The following PCDH10 variants were observed in gnomAD, a reference collection of about 807,000 sequenced individuals.
The protein encoded by PCDH10 is protocadherin 10, also known as protocadherin-10.
In PCDH10, 15 loss-of-function variants were observed where a neutral mutation model predicts 74.4. The ratio of observed to expected loss-of-function variants is 0.20; its 90% CI spans 0.13 to 0.31. The LOEUF is 0.31. PCDH10 is among the 10% of genes least tolerant of loss of function. The pLI is 1.00. For missense variants in PCDH10, 1,260 were observed against 1,390.2 expected (o/e 0.91, Z 1.49); for synonymous variants, 619 against 589.8 (o/e 1.05, Z -0.72).
At chr4:133,186,457 G>T (rs1300535175) in intron 4 of PCDH10, among the ~76,000 whole-genome samples, 3 of 152,026 alleles carry the variant, frequency 2.0e-5, no homozygotes, top group Admixed American at 6.6e-5. Flanking sequence ...AAAAGAAAAA[G>T]AAATCCTCCA....
chr4:133,175,392 GCACAACTGTTTTCCAAGCACAGTGGTCTT>G (rs1385467927), intron 4 of PCDH10, among the ~76,000 whole-genome samples: 2 of 151,964 alleles, frequency 1.3e-5, no homozygotes, highest in Non-Finnish European at 1.5e-5. Context: ...TCGTTGTTGG[GCACAACTGTTTTCCAAGCACAGTGGTCTT>G]CAGTTTTGTT....
rs773057641 is a variant in PCDH10, at chr4:133,150,759, G to C, written c.619G>C (p.Gly207Arg). ...HRYVLTAVDG[G>R]GGGGVGEGGG... ...CTACGTGCTGACCGCGGTGGACGGA[G>C]GAGGTGGGGGAGGAGTAGGAGAAGG... The change falls in exon 1 of 5, where the codon GGA becomes CGA. Residue 207 changes from glycine to arginine, a missense_variant. Gly to Arg is a moderately radical substitution (Grantham distance 125). Transcript: ENST00000264360. The C allele has an allele frequency of 6.3e-7, 1 of 1,599,428 alleles. No homozygotes were observed. The highest frequency in any genetic ancestry group is 1.1e-5 in the South Asian group (1 of 89,556).
At chr4:133,175,749 G>T (rs891220774) in intron 4 of PCDH10, among the ~76,000 whole-genome samples, 1 of 152,000 alleles carries the variant, frequency 6.6e-6, no homozygotes, top group Non-Finnish European at 1.5e-5. Context: ...CTCCGATCAG[G>T]TTATCTCAGT....
At chr4:133,153,300 C>T (rs1578558881) in intron 1 of PCDH10, 6 of 1,002,602 alleles carry the variant, frequency 6.0e-6, no homozygotes, top group East Asian at 1.1e-4. Context: ...TTACCAGATC[C>T]TTCTCCTCTG....
Position 133,151,229 on chromosome 4 carries a change from G to A in PCDH10, c.1089G>A (p.Val363=), listed in dbSNP as rs774667996. ...CGCCAGAGATCAGCTTCAGCACCGTGAAGGAAGCGGTGAGTGAGGGCGCGG... is the reference window on the plus strand; with the variant it reads ...CGCCAGAGATCAGCTTCAGCACCGTAAAGGAAGCGGTGAGTGAGGGCGCGG... ...DNAPEISFST[V]KEAVSEGAAP... is the part of the protein sequence containing the mutation. Residue 363 remains valine, a synonymous_variant, in exon 1 of 5, where the codon GTG becomes GTA. Coordinates refer to ENST00000264360, the MANE Select transcript of PCDH10 (RefSeq NM_032961.3). 6.2e-7 allele frequency: 1 copy of A among 1,614,052 alleles called. No individual in the cohort carries two copies. Among genetic ancestry groups the A allele is most frequent in the Non-Finnish European group, 8.5e-7 (1 of 1,180,006 alleles).
chr4:133,174,695 C>T (rs946358766), intron 4 of PCDH10, among the ~76,000 whole-genome samples: 14 of 150,984 alleles, frequency 9.3e-5, no homozygotes, highest in South Asian at 2.1e-4. Context: ...TTTAGAAATG[C>T]CTTTTTTGAT....
At chr4:133,175,836 G>T (rs1727285603) in intron 4 of PCDH10, among the ~76,000 whole-genome samples, 1 of 152,118 alleles carries the variant, frequency 6.6e-6, no homozygotes, top group Admixed American at 6.6e-5. Context: ...TTGAATGATT[G>T]TATCCTCCTT....
At position 133,150,997 on chromosome 4, in the gene PCDH10, T is replaced by C; in HGVS notation, c.857T>C (p.Val286Ala). The change falls in exon 1 of 5, where the codon GTG (valine) becomes GCG (alanine). Residue 286 changes from valine to alanine, a missense_variant. By Grantham distance (64) the Val-to-Ala change is moderately conservative (BLOSUM62 0). Coordinates refer to ENST00000264360, the MANE Select transcript of PCDH10 (RefSeq NM_032961.3). ...DPDEGQNGEV[V>A]YSFSSHISPR... ...GACGAGGGCCAGAACGGTGAGGTCG[T>C]GTACTCCTTCAGCAGCCACATTTCG... 1.2e-6 allele frequency: 2 copies of C among 1,613,776 alleles called. No homozygotes were observed. The highest frequency in any genetic ancestry group is 1.7e-6 in the Non-Finnish European group (2 of 1,179,980).
At position 133,192,613 on chromosome 4, in the gene PCDH10, T is replaced by C. The variant is rs1302681248; in HGVS notation, c.*2453T>C. 6.6e-6 allele frequency: 1 copy of C among 151,634 alleles called. No homozygotes were observed. Among genetic ancestry groups the C allele is most frequent in the Non-Finnish European group, 1.5e-5 (1 of 67,612 alleles). 9.4% of individuals were successfully genotyped at this position (151,634 alleles called of 1,614,324 possible). Reference sequence around the variant, plus strand: ...CATATATCCTAGGAACTAGTTATACTAACTTACATTTTAGTTATCATCAAT... The same window carrying C: ...CATATATCCTAGGAACTAGTTATACCAACTTACATTTTAGTTATCATCAAT... On this transcript the variant is annotated 3_prime_UTR_variant, in exon 5 of 5. Coordinates refer to ENST00000264360, the MANE Select transcript of PCDH10 (RefSeq NM_032961.3).
rs780274523 is a variant in PCDH10 at position 133,151,827 on chromosome 4, C to T, written c.1687C>T (p.Leu563Phe). ...ALAGNATVNI[L>F]IVDQNDNAPA... ...GGCTGGTAACGCCACTGTCAACATC[C>T]TCATAGTGGATCAAAATGACAACGC... Residue 563 changes from leucine to phenylalanine, a missense_variant, in exon 1 of 5, where the codon CTC (leucine) becomes TTC (phenylalanine). Leu to Phe is a conservative substitution (Grantham distance 22). Around this residue, in one of 11 missense-constraint regions of PCDH10, gnomAD observed 587 missense variants for 616.9 expected, o/e 0.95. Coordinates refer to ENST00000264360, the MANE Select transcript of PCDH10 (RefSeq NM_032961.3). 4.3e-6 allele frequency: 7 copies of T among 1,613,106 alleles called. No individual in the cohort carries two copies. The Admixed American group carries it at 6.7e-5, about 15-fold the overall frequency.
intron 3 of PCDH10, among the ~76,000 whole-genome samples, chr4:133,158,766 A>G (rs759686127): frequency 2.8e-4 from 43 of 152,118 alleles, no homozygotes; most frequent in Non-Finnish European, 5.3e-4. Flanking sequence ...TTGGGTTTAT[A>G]TATAAAATGG....
rs576569736 is a variant in PCDH10 at position 133,157,335 on chromosome 4, T to G, written c.2797+2312T>G. ...ATTAAAATGCATTTGCTTAAAGACT[T>G]TTTTCAATCCATACTGCTGTTATGT... On this transcript the variant is annotated intron_variant, in intron 3 of 4. Transcript: ENST00000264360. Among the ~76,000 whole-genome samples, 9 of 152,298 alleles carry G rather than the reference T, an allele frequency of 5.9e-5. No individual in the cohort carries two copies. In the East Asian group the frequency reaches 1.7e-3, roughly 29 times the overall value.
At chr4:133,155,660 A>G (rs1228304946) in intron 3 of PCDH10, among the ~76,000 whole-genome samples, 1 of 152,216 alleles carries the variant, frequency 6.6e-6, no homozygotes, top group Non-Finnish European at 1.5e-5. Context: ...AACAGGGTCC[A>G]TGACACATCA....
downstream of PCDH10, among the ~76,000 whole-genome samples, chr4:133,197,833 G>A (rs994835579): frequency 2.6e-5 from 4 of 152,028 alleles, no homozygotes; most frequent in Non-Finnish European, 5.9e-5. Context: ...TGTTGGCATG[G>A]TGAATTGTGT....
chr4:133,152,043 A>G lies in PCDH10; in HGVS notation c.1903A>G (p.Thr635Ala), dbSNP rs1644224490. 6.2e-7 allele frequency: 1 copy of G among 1,611,496 alleles called. No individual in the cohort carries two copies. Among genetic ancestry groups the G allele is most frequent in the Non-Finnish European group, 8.5e-7 (1 of 1,179,174 alleles). The change falls in exon 1 of 5, where the codon ACC becomes GCC. Residue 635 changes from threonine to alanine, a missense_variant. Thr to Ala is a moderately conservative substitution (Grantham distance 58, BLOSUM62 0). This residue lies in a region of PCDH10 where 587 missense variants were observed against 616.9 expected (regional missense o/e 0.95). Transcript: ENST00000264360. ...EMNLFRMDWR[T>A]GELRTARRVP... The stretch of plus-strand genomic sequence containing the variant: ...GAACCTCTTTCGCATGGACTGGCGC[A>G]CCGGGGAGCTGCGCACAGCACGCCG...
Position 133,150,452 on chromosome 4 carries a change from G to T in PCDH10, c.312G>T (p.Glu104Asp). ...HLEVFLENPL[E>D]LFQVEIEVLD... Reference sequence around the variant, plus strand: ...AGGTCTTTCTGGAGAACCCCCTGGAGCTGTTCCAGGTGGAGATCGAGGTGC... The same window carrying T: ...AGGTCTTTCTGGAGAACCCCCTGGATCTGTTCCAGGTGGAGATCGAGGTGC... The change falls in exon 1 of 5, where the codon GAG becomes GAT. Residue 104 changes from glutamate (E) to aspartate (D), a missense_variant. Glu to Asp is a conservative substitution (Grantham distance 45). Around this residue, in one of 11 missense-constraint regions of PCDH10, gnomAD observed 63 missense variants for 100.7 expected, o/e 0.63. Coordinates refer to ENST00000264360, the MANE Select transcript of PCDH10 (RefSeq NM_032961.3). 1 of 1,614,014 alleles carries T rather than the reference G, an allele frequency of 6.2e-7. No homozygotes were observed. The highest frequency in any genetic ancestry group is 8.5e-7 in the Non-Finnish European group (1 of 1,180,004).
Position 133,151,117 on chromosome 4 carries a change from T to C in PCDH10, c.977T>C (p.Val326Ala). ...TATGAAGAGAGCCCAGTGTACCAAG[T>C]GTACGTGCAAGCCAAGGACCTGGGC... ...LDYEESPVYQ[V>A]YVQAKDLGPN... Residue 326 changes from valine to alanine, a missense_variant, in exon 1 of 5, where the codon GTG becomes GCG. By Grantham distance (64) the Val-to-Ala change is moderately conservative (BLOSUM62 0). Around this residue, in one of 11 missense-constraint regions of PCDH10, gnomAD observed 192 missense variants for 161.2 expected, o/e 1.19. Transcript: ENST00000264360. 6.2e-7 allele frequency: 1 copy of C among 1,614,104 alleles called. No individual in the cohort carries two copies. Among genetic ancestry groups the C allele is most frequent in the Non-Finnish European group, 8.5e-7 (1 of 1,180,010 alleles).
chr4:133,178,960 A>T lies in PCDH10; in HGVS notation c.3104-11181A>T, dbSNP rs141625349. Reference sequence around the variant, plus strand: ...GGTTTCCTAAATTTTGTTGCTGTGGACACTACCTGAGGCTTGAGATAGTGG... The same window carrying T: ...GGTTTCCTAAATTTTGTTGCTGTGGTCACTACCTGAGGCTTGAGATAGTGG... On this transcript the variant is annotated intron_variant, in intron 4 of 4. Coordinates refer to ENST00000264360, the MANE Select transcript of PCDH10 (RefSeq NM_032961.3). Among the ~76,000 whole-genome samples the T allele has an allele frequency of 5.6e-3, 858 of 152,208 alleles. 10 individuals carry two copies. Among genetic ancestry groups the T allele is most frequent in the African/African-American group, 0.02 (819 of 41,538 alleles).
rs779122845 is a variant in PCDH10 at position 133,152,700 on chromosome 4, G to T, written c.2560G>T (p.Gly854Trp). The T allele has an allele frequency of 6.2e-7, 1 of 1,614,068 alleles. No individual in the cohort carries two copies. Among genetic ancestry groups the T allele is most frequent in the African/African-American group, 1.3e-5 (1 of 74,924 alleles). ...RSTDTEHNPC[G>W]AIVTGYTDQQ... ...TACGGACACTGAGCACAACCCCTGC[G>T]GGGCCATCGTCACCGGTTACACCGA... The change falls in exon 1 of 5, where the codon GGG becomes TGG. Residue 854 changes from glycine to tryptophan, a missense_variant. By Grantham distance (184) the Gly-to-Trp change is radical. Around this residue, in one of 11 missense-constraint regions of PCDH10, gnomAD observed 587 missense variants for 616.9 expected, o/e 0.95. Transcript: ENST00000264360.
Sources: allele counts gnomAD v4.1 joint callset (sites outside exome capture counted in the v4.1 genomes callset), GRCh38; gene constraint gnomAD v4.1.1; regional missense constraint gnomAD v4.1.1; transcripts MANE v1.5; gene names NCBI Gene and HGNC (gene_info 2026-07-23, HGNC 2026-07-21).